The following UBAC2 variants were observed in gnomAD, a reference collection of about 807,000 sequenced individuals.
UBAC2 encodes UBA domain containing 2, also known as ubiquitin-associated domain-containing protein 2.
Under a neutral mutation model 44.0 loss-of-function variants are expected in UBAC2, and 26 were observed. That is an observed-to-expected ratio of 0.59 (90% CI 0.43 to 0.82). UBAC2 has a LOEUF of 0.82. Among genes scored for constraint, UBAC2 ranks in the 40% least tolerant of loss-of-function variants. UBAC2 has a pLI of 0.00. For missense variants in UBAC2, 329 were observed against 419.4 expected, an observed-to-expected ratio of 0.78 and a Z score of 1.88; for synonymous variants, 155 against 154.3, an observed-to-expected ratio of 1.00 and a Z score of -0.04.
At chr13:99,329,086 G>A (rs1478158981) in intron 6 of UBAC2, among the ~76,000 whole-genome samples, 1 of 152,064 alleles carries the variant, frequency 6.6e-6, no homozygotes, top group African/African-American at 2.4e-5. Context: ...CATGACCTTG[G>A]CACCAAAACT....
At chr13:99,215,819 T>G in intron 1 of UBAC2, 1 of 605,464 alleles carries the variant, frequency 1.7e-6, no homozygotes, top group South Asian at 2.9e-5. Context: ...CGTGGTGAGA[T>G]CCCACCATCT....
intron 7 of UBAC2, among the ~76,000 whole-genome samples, chr13:99,365,902 T>G (rs1311493338): frequency 6.6e-6 from 1 of 152,210 alleles, no homozygotes; most frequent in Non-Finnish European, 1.5e-5. Context: ...CTTTCTGTGT[T>G]TTGATGCCAT....
chr13:99,373,630 G>A (rs2045439582), intron 8 of UBAC2, among the ~76,000 whole-genome samples: 1 of 152,214 alleles, frequency 6.6e-6, no homozygotes, highest in Non-Finnish European at 1.5e-5. Context: ...GGCCAAGAAA[G>A]GCCGTCAGGG....
At chr13:99,202,027 T>G (rs1022474794) in intron 1 of UBAC2, among the ~76,000 whole-genome samples, 7 of 146,140 alleles carry the variant, frequency 4.8e-5, no homozygotes, top group Non-Finnish European at 1.0e-4. Context: ...GAGCCGAGAT[T>G]GCGCCACTGC....
At chr13:99,265,083 TG>T (rs1305052313) in intron 4 of UBAC2, among the ~76,000 whole-genome samples, 2 of 152,186 alleles carry the variant, frequency 1.3e-5, no homozygotes, top group Admixed American at 6.5e-5. Flanking sequence ...GAAGACGTGT[TG>T]TTTTTTTCTT....
At chr13:99,215,008 A>T (rs2042975752) in intron 1 of UBAC2, among the ~76,000 whole-genome samples, 2 of 147,290 alleles carry the variant, frequency 1.4e-5, no homozygotes, top group Admixed American at 6.8e-5. Flanking sequence ...TTCTTGGGGG[A>T]TATGACCTTT....
At chr13:99,262,959 A>G (rs988587051) in intron 4 of UBAC2, among the ~76,000 whole-genome samples, 1 of 152,192 alleles carries the variant, frequency 6.6e-6, no homozygotes, top group Non-Finnish European at 1.5e-5. Flanking sequence ...AAAGGTAATC[A>G]GAGGTGACTG....
intron 4 of UBAC2, among the ~76,000 whole-genome samples, chr13:99,277,261 C>G (rs750007704): frequency 6.6e-6 from 1 of 152,202 alleles, no homozygotes; most frequent in Non-Finnish European, 1.5e-5. Context: ...TGCAGTGGCT[C>G]ATGCCTGTAA....
chr13:99,223,031 A>C (rs1277248493), intron 1 of UBAC2, among the ~76,000 whole-genome samples: 1 of 152,170 alleles, frequency 6.6e-6, no homozygotes, highest in Non-Finnish European at 1.5e-5. Flanking sequence ...CTGTAGGACT[A>C]TTTAAGTTAC....
chr13:99,360,486 A>G (rs2045250607), intron 7 of UBAC2, among the ~76,000 whole-genome samples: 1 of 152,244 alleles, frequency 6.6e-6, no homozygotes, highest in Middle Eastern at 3.2e-3. Flanking sequence ...AATAAGAGGC[A>G]GAGCTGGGAT....
chr13:99,292,617 T>A (rs989190277), intron 4 of UBAC2, among the ~76,000 whole-genome samples: 1 of 152,156 alleles, frequency 6.6e-6, no homozygotes, highest in Non-Finnish European at 1.5e-5. Context: ...CACATATACA[T>A]GATGCCATTT....
chr13:99,309,965 C>T (rs1250161997), intron 4 of UBAC2, among the ~76,000 whole-genome samples: 1 of 152,180 alleles, frequency 6.6e-6, no homozygotes, highest in African/African-American at 2.4e-5. Context: ...CAAGGTGTCT[C>T]TGTTATTTTA....
At chr13:99,284,869 A>G (rs1487189331) in intron 4 of UBAC2, among the ~76,000 whole-genome samples, 1 of 152,200 alleles carries the variant, frequency 6.6e-6, no homozygotes, top group Non-Finnish European at 1.5e-5. Context: ...GTAGATGAAA[A>G]TAATGTGTAG....
intron 1 of UBAC2, among the ~76,000 whole-genome samples, chr13:99,229,934 G>A (rs1232876713): frequency 6.6e-6 from 1 of 152,200 alleles, no homozygotes; most frequent in African/African-American, 2.4e-5. Flanking sequence ...CCTTCTTCCT[G>A]TTGTGTAACT....
chr13:99,378,748 C>T (rs1475476664), intron 8 of UBAC2, among the ~76,000 whole-genome samples: 3 of 152,194 alleles, frequency 2.0e-5, no homozygotes, highest in Admixed American at 6.5e-5. Flanking sequence ...TCACTGTGTT[C>T]CATGCATTGG....
At chr13:99,356,298 G>A in intron 7 of UBAC2, 1 of 472,496 alleles carries the variant, frequency 2.1e-6, no homozygotes, top group Non-Finnish European at 4.6e-6. Flanking sequence ...CCCCTGCATG[G>A]AATGCACAGG....
At chr13:99,335,521 C>T (rs1018675743) in intron 6 of UBAC2, among the ~76,000 whole-genome samples, 1 of 152,156 alleles carries the variant, frequency 6.6e-6, no homozygotes, top group East Asian at 1.9e-4. Context: ...CTGTAGTTAC[C>T]GCAGACAGAT....
rs73568016 is a variant in UBAC2 at position 99,285,906 on chromosome 13, G to A, written c.390-28191G>A. 6.7e-3 allele frequency among the ~76,000 whole-genome samples: 1,020 copies of A among 152,102 alleles called. 15 individuals are homozygous for A. Among genetic ancestry groups the A allele is most frequent in the African/African-American group, 0.023 (973 of 41,454 alleles). ...TGGTGCAGTTCTACACATCCAACGG[G>A]GTGCCAGAGTTCACAGTTCAACTCC... is the stretch of plus-strand genomic sequence containing the variant. On this transcript the variant is annotated intron_variant, in intron 4 of 8. Transcript: ENST00000403766.
At chr13:99,344,631 G>A (rs1272574720) in intron 7 of UBAC2, among the ~76,000 whole-genome samples, 3 of 152,036 alleles carry the variant, frequency 2.0e-5, no homozygotes, top group African/African-American at 7.3e-5. Flanking sequence ...TGATCTGTCT[G>A]CAGTTTTTCA....
Sources: gnomAD v4.1 joint callset for allele counts (sites outside exome capture counted in the v4.1 genomes callset) on GRCh38, gnomAD v4.1.1 for gene constraint, MANE v1.5 for transcripts, NCBI Gene and HGNC (gene_info 2026-07-23, HGNC 2026-07-21) for gene names.